Variants in KAZN observed in about 807,000 individuals in gnomAD.
KAZN encodes the protein kazrin.
KAZN carries 40 observed loss-of-function variants against 87.4 expected under a neutral mutation model. The ratio of observed to expected loss-of-function variants is 0.46; its 90% CI spans 0.36 to 0.60. KAZN has a LOEUF of 0.60. Among genes scored for constraint, KAZN ranks in the 20% least tolerant of loss-of-function variants. The pLI is 0.00. For synonymous variants in KAZN, 466 were observed against 458.3 expected, an observed-to-expected ratio of 1.02 and a Z score of -0.22; for missense variants, 898 against 1,073.9, an observed-to-expected ratio of 0.84 and a Z score of 2.29.
At position 14,398,552 on chromosome 1, in the gene KAZN, T is replaced by C. The variant is rs144307154; in HGVS notation, c.250-200431T>C. 1.0e-3 allele frequency among the ~76,000 whole-genome samples: 155 copies of C among 152,258 alleles called. 1 individual carries two copies. Among genetic ancestry groups the C allele is most frequent in the African/African-American group, 3.6e-3 (150 of 41,552 alleles). ...TGGCGAGAGCAGGCTGCAGGTGAGGTTGGTTGATGCCCAGGTGGGATCAGG... is the reference window on the plus strand; with the variant it reads ...TGGCGAGAGCAGGCTGCAGGTGAGGCTGGTTGATGCCCAGGTGGGATCAGG... On this transcript the variant is annotated intron_variant, in intron 2 of 16. Transcript: ENST00000636203.
rs149537903 is a variant in KAZN at position 13,900,436 on chromosome 1, C to T, written c.91+6680C>T. On this transcript the variant is annotated intron_variant, in intron 1 of 16. Coordinates refer to the KAZN transcript ENST00000636203. ...AGCTGGTGGTGCAAGCACTTACTGTCGATGATGCCCCTTGGACCACTGCTT... is the reference window on the plus strand; with the variant it reads ...AGCTGGTGGTGCAAGCACTTACTGTTGATGATGCCCCTTGGACCACTGCTT... 1.8e-3 allele frequency among the ~76,000 whole-genome samples: 276 copies of T among 152,254 alleles called. 1 individual carries two copies. Among genetic ancestry groups the T allele is most frequent in the African/African-American group, 6.3e-3 (261 of 41,536 alleles).
At chr1:14,133,632 C>T (rs1645045828) in intron 1 of KAZN, among the ~76,000 whole-genome samples, 1 of 151,962 alleles carries the variant, frequency 6.6e-6, no homozygotes, top group Non-Finnish European at 1.5e-5. Flanking sequence ...GGGATGGATG[C>T]GTGGTGAAAT....
intron 2 of KAZN, among the ~76,000 whole-genome samples, chr1:14,478,747 A>T (rs1193195267): frequency 6.6e-6 from 1 of 152,022 alleles, no homozygotes; most frequent in East Asian, 1.9e-4. Flanking sequence ...CCCGTGCCCC[A>T]TCCACCAGCT....
rs374805820 is a variant in KAZN at position 15,094,298 on chromosome 1, G to A, written c.1341G>A (p.Lys447=). The stretch of plus-strand genomic sequence containing the variant: ...GGACCACCCCTATGTCCCACTGGAA[G>A]GCGGGCACCGTCCAGGCCTGGCTGG... ...LVRTTPMSHW[K]AGTVQAWLEV... is the part of the protein sequence containing the mutation. Residue 447 remains lysine (K), a synonymous_variant, in exon 9 of 15, where the codon AAG becomes AAA. Coordinates refer to ENST00000376030, the MANE Select transcript of KAZN (RefSeq NM_201628.3). This position sits in a 1 kb window ranked among gnomAD's most constrained non-coding sequence, Gnocchi z 4.5. 2 of 1,614,004 alleles carry A rather than the reference G, an allele frequency of 1.2e-6. No individual in the cohort carries two copies. The highest frequency in any genetic ancestry group is 1.7e-6 in the Non-Finnish European group (2 of 1,179,886).
chr1:15,010,676 C>T (rs1375838914), intron 2 of KAZN, among the ~76,000 whole-genome samples: 1 of 152,122 alleles, frequency 6.6e-6, no homozygotes, highest in Non-Finnish European at 1.5e-5. Context: ...AGGCGTGAGC[C>T]ACCACTCCCG....
intron 1 of KAZN, among the ~76,000 whole-genome samples, chr1:14,717,840 A>G (rs973789194): frequency 2.0e-5 from 3 of 152,154 alleles, no homozygotes; most frequent in Non-Finnish European, 4.4e-5. Flanking sequence ...GCCTTGATGC[A>G]ATGTGGATGC....
intron 2 of KAZN, among the ~76,000 whole-genome samples, chr1:14,583,353 T>A (rs1292126773): frequency 6.6e-6 from 1 of 152,140 alleles, no homozygotes; most frequent in Non-Finnish European, 1.5e-5. Flanking sequence ...CTAGCACACA[T>A]GAATGCTCCT....
At chr1:13,981,100 T>TATATAC (rs1300907847) in intron 1 of KAZN, among the ~76,000 whole-genome samples, 4 of 131,000 alleles carry the variant, frequency 3.1e-5, no homozygotes, top group Admixed American at 7.7e-5. Flanking sequence ...TATATATATA[T>TATATAC]ATATATATAT....
At chr1:14,242,162 C>A (rs1248606195) in intron 2 of KAZN, among the ~76,000 whole-genome samples, 1 of 152,182 alleles carries the variant, frequency 6.6e-6, no homozygotes, top group Non-Finnish European at 1.5e-5. Flanking sequence ...CTATACTTAA[C>A]ATTTATTTTA....
chr1:14,043,503 G>A (rs970847628), intron 1 of KAZN, among the ~76,000 whole-genome samples: 1 of 152,034 alleles, frequency 6.6e-6, no homozygotes, highest in African/African-American at 2.4e-5. Context: ...TTATTTTTTT[G>A]AGGAACTGTC....
In KAZN at chr1:14,340,888, C is replaced by CTTTTTTTTTTTTTTTTT. The variant is rs3085672; in HGVS notation, c.249+160297_249+160313dup. Among the ~76,000 whole-genome samples the CTTTTTTTTTTTTTTTTT allele has an allele frequency of 2.4e-4, 25 of 103,156 alleles. 1 individual carries two copies. Among genetic ancestry groups the CTTTTTTTTTTTTTTTTT allele is most frequent in the African/African-American group, 5.7e-4 (14 of 24,752 alleles). The allele number at this position is 103,156 out of a possible 152,430, so 67.7% of individuals were successfully genotyped here. ...ATCTCCGTAAGGGTCATGATTTTCC[C>CTTTTTTTTTTTTTTTTT]TTTTTTTTTTTTTTTTTGAGATGGA... On this transcript the variant is annotated intron_variant, in intron 2 of 16. Transcript: ENST00000636203.
Position 15,094,130 on chromosome 1 carries a change from T to A in KAZN, c.1223-50T>A. ...CCGGGGGTATGGCCTGCCCAGCCCC[T>A]GCCCCCAGCAGCCTCGTCCCCCAGC... is the stretch of plus-strand genomic sequence containing the variant. On this transcript the variant is annotated intron_variant, in intron 8 of 14. Coordinates refer to ENST00000376030, the MANE Select transcript of KAZN (RefSeq NM_201628.3). This position sits in a 1 kb window ranked among gnomAD's most constrained non-coding sequence, Gnocchi z 4.5. 6.4e-7 allele frequency: 1 copy of A among 1,568,392 alleles called. No individual in the cohort carries two copies. The highest frequency in any genetic ancestry group is 8.7e-7 in the Non-Finnish European group (1 of 1,149,858).
At chr1:14,966,878 C>T (rs2101812149) in intron 2 of KAZN, among the ~76,000 whole-genome samples, 1 of 152,218 alleles carries the variant, frequency 6.6e-6, no homozygotes, top group African/African-American at 2.4e-5. Context: ...CCATGTTGGC[C>T]AGGCTGGTCT....
chr1:14,312,168 G>A (rs1337918158), intron 2 of KAZN, among the ~76,000 whole-genome samples: 1 of 152,104 alleles, frequency 6.6e-6, no homozygotes, highest in Non-Finnish European at 1.5e-5. Flanking sequence ...TGACTTTGAA[G>A]CCAGCAGACT....
rs868196621 is a variant in KAZN at position 14,167,147 on chromosome 1, A to G, written c.92-13288A>G. Among the ~76,000 whole-genome samples, 11 of 152,386 alleles carry G rather than the reference A, an allele frequency of 7.2e-5. No individual in the cohort carries two copies. The South Asian group carries it at 1.7e-3, about 23-fold the overall frequency. On this transcript the variant is annotated intron_variant, in intron 1 of 16. Transcript: ENST00000636203. ...TCTAGGCAGGAATGCAGAGTGGTGCAGAGTTCTTTATGGAGTTCTGGGATT... is the reference window on the plus strand; with the variant it reads ...TCTAGGCAGGAATGCAGAGTGGTGCGGAGTTCTTTATGGAGTTCTGGGATT...
At chr1:13,950,211 C>T (rs982617047) in intron 1 of KAZN, among the ~76,000 whole-genome samples, 5 of 152,000 alleles carry the variant, frequency 3.3e-5, no homozygotes, top group South Asian at 4.2e-4. Context: ...TCTCTGTCCC[C>T]GCCTCCTCCG....
chr1:14,523,202 G>A lies in KAZN; in HGVS notation c.250-75781G>A, dbSNP rs554071745. 2.0e-5 allele frequency among the ~76,000 whole-genome samples: 3 copies of A among 152,354 alleles called. No homozygotes were observed. The East Asian group carries it at 5.8e-4, about 29-fold the overall frequency. Reference sequence around the variant, plus strand: ...CCAACCCCCTGAGCCTGGCCAGAGAGCAGGGTGCTGCCTCCCCTAGCTGTC... The same window carrying A: ...CCAACCCCCTGAGCCTGGCCAGAGAACAGGGTGCTGCCTCCCCTAGCTGTC... On this transcript the variant is annotated intron_variant, in intron 2 of 16. Transcript: ENST00000636203.
chr1:14,400,583 G>A (rs538956497), intron 2 of KAZN, among the ~76,000 whole-genome samples: 1 of 152,308 alleles, frequency 6.6e-6, no homozygotes, highest in South Asian at 2.1e-4. Flanking sequence ...ATGGGTTACT[G>A]TCTCCAGGCT....
At chr1:14,837,423 T>A (rs866673439) in intron 1 of KAZN, among the ~76,000 whole-genome samples, 10 of 152,278 alleles carry the variant, frequency 6.6e-5, no homozygotes, top group Middle Eastern at 3.4e-3. Context: ...GGTCTCGAAC[T>A]CCCGACCTCA....
Sources: allele counts gnomAD v4.1 joint callset (sites outside exome capture counted in the v4.1 genomes callset), GRCh38; gene constraint gnomAD v4.1.1; non-coding constraint Gnocchi (gnomAD v3.1); transcripts MANE v1.5; gene names NCBI Gene and HGNC (gene_info 2026-07-23, HGNC 2026-07-21).